CYS1: variants seen among roughly 807,000 people sequenced by gnomAD.
The protein encoded by CYS1 is cystin-1.
A neutral mutation model predicts 9.6 loss-of-function variants in CYS1; 5 were observed. The observed-to-expected ratio is 0.52, with a 90% confidence interval of 0.27 to 1.10. CYS1 has a LOEUF of 1.10. Ranked by LOEUF, CYS1 falls within the 50% of genes least tolerant of loss-of-function variation. CYS1 has a pLI of 0.11. For missense variants in CYS1, 221 were observed against 207.9 expected (o/e 1.06, Z -0.39); for synonymous variants, 88 against 95.7 (o/e 0.92, Z 0.47).
intron 2 of CYS1, among the ~76,000 whole-genome samples, chr2:10,059,702 TAAATAAA>T (rs1661600900): frequency 1.3e-5 from 2 of 152,026 alleles, no homozygotes; most frequent in African/African-American, 4.8e-5. Context: ...TCAAAAAAAA[TAAATAAA>T]AAATAAAAGG....
chr2:10,062,104 C>T (rs977380425), intron 2 of CYS1, among the ~76,000 whole-genome samples: 3 of 151,574 alleles, frequency 2.0e-5, no homozygotes, highest in Non-Finnish European at 4.4e-5. Context: ...ACTTCTCAGG[C>T]TCAAGCCATC....
intron 1 of CYS1, among the ~76,000 whole-genome samples, chr2:10,079,212 C>T (rs545243566): frequency 2.0e-5 from 3 of 152,084 alleles, no homozygotes; most frequent in Non-Finnish European, 4.4e-5. Flanking sequence ...GCGGTAGCCA[C>T]CCAGGAAGGC....
At chr2:10,075,654 A>G (rs1214642438) in intron 1 of CYS1, among the ~76,000 whole-genome samples, 1 of 152,170 alleles carries the variant, frequency 6.6e-6, no homozygotes. Flanking sequence ...ATTACTGTAA[A>G]GTCCTGGCTG....
chr2:10,079,629 G>A (rs1211241156), intron 1 of CYS1, among the ~76,000 whole-genome samples: 1 of 151,844 alleles, frequency 6.6e-6, no homozygotes, highest in Non-Finnish European at 1.5e-5. Context: ...CCGCGGGCCC[G>A]AGGGGAGCCG....
intron 1 of CYS1, among the ~76,000 whole-genome samples, chr2:10,078,842 A>G (rs1466328533): frequency 6.6e-6 from 1 of 152,210 alleles, no homozygotes; most frequent in East Asian, 1.9e-4. Flanking sequence ...ATGATGAATA[A>G]TATCAGCAAA....
intron 1 of CYS1, among the ~76,000 whole-genome samples, chr2:10,071,633 C>A (rs1453136280): frequency 1.3e-5 from 2 of 152,234 alleles, no homozygotes; most frequent in East Asian, 3.9e-4. Flanking sequence ...AAGCCTTGAA[C>A]TTACTTTCTC....
At chr2:10,070,763 C>T (rs1431826060) in intron 1 of CYS1, among the ~76,000 whole-genome samples, 4 of 152,068 alleles carry the variant, frequency 2.6e-5, no homozygotes, top group Admixed American at 6.6e-5. Context: ...CCCATCTCAG[C>T]CTCCTGAGTA....
rs776446541 is a variant in CYS1 at position 10,059,104 on chromosome 2, G to A, written c.372-146C>T. On this transcript the variant is annotated intron_variant, in intron 2 of 2. Coordinates refer to ENST00000381813, the MANE Select transcript of CYS1 (RefSeq NM_001037160.3). ...CCCTGGGACACCCTGTGGCGCTCTC[G>A]CCCAGCACATATCCACCAGCAGGCT... is the stretch of plus-strand genomic sequence containing the variant. The A allele has an allele frequency of 1.5e-3, 1,068 of 691,736 alleles. 3 individuals carry two copies. Among genetic ancestry groups the A allele is most frequent in the Non-Finnish European group, 2.1e-3 (835 of 402,898 alleles). 42.8% of individuals were successfully genotyped at this position (691,736 alleles called of 1,614,324 possible). A position where few individuals can be genotyped will look rare whatever the true frequency, so the allele number is the denominator to read the frequency against.
intron 1 of CYS1, among the ~76,000 whole-genome samples, chr2:10,067,401 C>A (rs1034216763): frequency 1.8e-5 from 2 of 112,102 alleles, no homozygotes; most frequent in South Asian, 3.2e-4. Context: ...TAAAAAAATT[C>A]TTTTCTTTTT....
At chr2:10,064,158 G>C (rs1661664475) in intron 2 of CYS1, among the ~76,000 whole-genome samples, 1 of 152,248 alleles carries the variant, frequency 6.6e-6, no homozygotes, top group African/African-American at 2.4e-5. Flanking sequence ...GGGTGGTGGA[G>C]ACTGCGGTGA....
At chr2:10,070,311 G>T (rs186253061) in intron 1 of CYS1, among the ~76,000 whole-genome samples, 5 of 152,064 alleles carry the variant, frequency 3.3e-5, no homozygotes, top group African/African-American at 1.2e-4. Flanking sequence ...CTATCGCTGC[G>T]GTCCCCGTGC....
chr2:10,060,413 G>A lies in CYS1; in HGVS notation c.372-1455C>T, dbSNP rs545978503. On this transcript the variant is annotated intron_variant, in intron 2 of 2. Transcript: ENST00000381813. ...CCCGTCTGGCTCTCTGGGAACTCAG[G>A]GCAAGAGCTGGGCTCCTGGCACAGC... Among the ~76,000 whole-genome samples the A allele has an allele frequency of 1.8e-3, 270 of 152,278 alleles. 3 individuals are homozygous for A. Among genetic ancestry groups the A allele is most frequent in the African/African-American group, 6.4e-3 (265 of 41,536 alleles).
intron 1 of CYS1, among the ~76,000 whole-genome samples, chr2:10,077,306 A>G (rs1473285091): frequency 1.3e-5 from 2 of 152,158 alleles, no homozygotes; most frequent in African/African-American, 4.8e-5. Flanking sequence ...AACAAAAACA[A>G]AAACAAAACA....
At chr2:10,065,991 T>C (rs774513769) in intron 1 of CYS1, 35 bp from the exon 2 acceptor site, 13 of 1,612,724 alleles carry the variant, frequency 8.1e-6, no homozygotes, top group South Asian at 7.7e-5. Context: ...CATTCAAAGA[T>C]TGTCAACAGT....
rs1160105559 is a variant in CYS1 at position 10,058,930 on chromosome 2, C to T, written c.400G>A (p.Glu134Lys). The change falls in exon 3 of 3, where the codon GAG becomes AAG. Residue 134 changes from glutamate (E) to lysine (K), a missense_variant. By Grantham distance (56) the Glu-to-Lys change is moderately conservative (BLOSUM62 1). Transcript: ENST00000381813. ...EAPGSGRKKP[E>K]RPAAISYDHS... ...TCGTAGGAGATGGCTGCCGGCCTCT[C>T]GGGCTTCTTGCGACCGCTGCCTGGG... 2.5e-6 allele frequency: 4 copies of T among 1,592,780 alleles called. No homozygotes were observed. The highest frequency in any genetic ancestry group is 2.7e-5 in the African/African-American group (2 of 74,632).
chr2:10,065,309 C>T (rs985132982), intron 2 of CYS1, among the ~76,000 whole-genome samples: 3 of 152,250 alleles, frequency 2.0e-5, no homozygotes, highest in Non-Finnish European at 2.9e-5. Context: ...GACAATCACC[C>T]ACTCCCAGTG....
rs374907171 is a variant in CYS1 at position 10,058,976 on chromosome 2, G to T, written c.372-18C>A. On this transcript the variant is annotated intron_variant, in intron 2 of 2. Transcript: ENST00000381813. Reference sequence around the variant, plus strand: ...CTGGGGCTCTGTGGGTCAGAAATGGGACAGGGCTGTCAGGAGGCAGGATGG... The same window carrying T: ...CTGGGGCTCTGTGGGTCAGAAATGGTACAGGGCTGTCAGGAGGCAGGATGG... 1 of 1,564,292 alleles carries T rather than the reference G, an allele frequency of 6.4e-7. No individual in the cohort carries two copies. Among genetic ancestry groups the T allele is most frequent in the Non-Finnish European group, 8.7e-7 (1 of 1,155,684 alleles).
rs372043318 is a variant in CYS1 at position 10,076,444 on chromosome 2, T to A, written c.318+3462A>T. The stretch of plus-strand genomic sequence containing the variant: ...CGCCCTCCTTGTGTCCTATTCTCCA[T>A]GAACTCCAGCCCAAGGCGCCTCCCA... On this transcript the variant is annotated intron_variant, in intron 1 of 2. Coordinates refer to ENST00000381813, the MANE Select transcript of CYS1 (RefSeq NM_001037160.3). This position sits in a 1 kb window ranked among gnomAD's most constrained non-coding sequence, Gnocchi z 4.3. Among the ~76,000 whole-genome samples, 12 of 152,238 alleles carry A rather than the reference T, an allele frequency of 7.9e-5. No homozygotes were observed. The highest frequency in any genetic ancestry group is 5.2e-4 in the Admixed American group (8 of 15,282).
At position 10,063,992 on chromosome 2, in the gene CYS1, G is replaced by A. The variant is rs955745848; in HGVS notation, c.371+1912C>T. ...AATCCCAGCACTTTGGGAGGCCAAG[G>A]TGGGCGGATCACCTGAGGCCAGGAG... On this transcript the variant is annotated intron_variant, in intron 2 of 2. Transcript: ENST00000381813. The surrounding 1 kb of genome is among the most constrained non-coding windows in gnomAD (Gnocchi z 4.2). 3.3e-5 allele frequency among the ~76,000 whole-genome samples: 5 copies of A among 152,234 alleles called. No homozygotes were observed. Among genetic ancestry groups the A allele is most frequent in the African/African-American group, 4.8e-5 (2 of 41,458 alleles).
Sources: allele counts gnomAD v4.1 joint callset (sites outside exome capture counted in the v4.1 genomes callset), GRCh38; gene constraint gnomAD v4.1.1; non-coding constraint Gnocchi (gnomAD v3.1); transcripts MANE v1.5; gene names NCBI Gene and HGNC (gene_info 2026-07-23, HGNC 2026-07-21).